Variants in COL14A1 observed in about 807,000 individuals in gnomAD.
The protein encoded by COL14A1 is collagen alpha-1(XIV) chain.
In COL14A1, 136 loss-of-function variants were observed where a neutral mutation model predicts 230.3. The observed-to-expected ratio is 0.59, with a 90% CI of 0.51 to 0.68. COL14A1 has a LOEUF of 0.68. Ranked by LOEUF, COL14A1 falls within the 30% of genes least tolerant of loss-of-function variation. The pLI, the probability that COL14A1 is intolerant of heterozygous loss-of-function variation, is 0.00. For synonymous variants in COL14A1, 792 were observed against 784.1 expected (o/e 1.01, Z -0.17); for missense variants, 1,976 against 2,215.8 (o/e 0.89, Z 2.17).
At chr8:120,209,563 G>T (rs1817557209) in intron 11 of COL14A1, among the ~76,000 whole-genome samples, 193 bp from the exon 12 acceptor site, 3 of 152,008 alleles carry the variant, frequency 2.0e-5, no homozygotes, top group Non-Finnish European at 4.4e-5. Context: ...ATTAGGGAGG[G>T]TCTAGAACCA....
chr8:120,224,023 C>T (rs112754756), intron 14 of COL14A1, among the ~76,000 whole-genome samples: 846 of 78,340 alleles, frequency 0.011, 24 homozygotes, highest in African/African-American at 0.041. Context: ...CCCTCATCTC[C>T]TTTTTTTTTT....
At chr8:120,176,245 T>C (rs755175787) in intron 5 of COL14A1, among the ~76,000 whole-genome samples, 3 of 152,144 alleles carry the variant, frequency 2.0e-5, no homozygotes, top group Non-Finnish European at 2.9e-5. Flanking sequence ...AAGCACTGAA[T>C]TAGTTTCTGG....
chr8:120,365,285 C>A (rs566909347), intron 45 of COL14A1, among the ~76,000 whole-genome samples: 1 of 152,112 alleles, frequency 6.6e-6, no homozygotes, highest in African/African-American at 2.4e-5. Flanking sequence ...TAGGAGCCAT[C>A]CTGTTAAAGA....
intron 1 of COL14A1, among the ~76,000 whole-genome samples, chr8:120,126,730 T>C (rs903978328): frequency 6.6e-6 from 1 of 152,314 alleles, no homozygotes; most frequent in South Asian, 2.1e-4. Flanking sequence ...GAAGGACCGG[T>C]GTTCTGTTTC....
intron 40 of COL14A1, among the ~76,000 whole-genome samples, chr8:120,319,718 G>C (rs951673272): frequency 2.0e-5 from 3 of 152,212 alleles, no homozygotes; most frequent in Admixed American, 6.5e-5. Context: ...TTGACTCTTA[G>C]AGGTAGCTTT....
chr8:120,163,564 G>A (rs1423407561), intron 4 of COL14A1, among the ~76,000 whole-genome samples: 2 of 152,086 alleles, frequency 1.3e-5, no homozygotes, highest in Non-Finnish European at 2.9e-5. Flanking sequence ...AGGAGTTCGA[G>A]ACCAGCCTGA....
chr8:120,195,940 G>A (rs537589972), intron 5 of COL14A1, among the ~76,000 whole-genome samples: 42 of 152,214 alleles, frequency 2.8e-4, no homozygotes, highest in Non-Finnish European at 5.7e-4. Context: ...GAAATGGTGA[G>A]TTTCCCCTAA....
At position 120,279,999 on chromosome 8, in the gene COL14A1, T is replaced by C; in HGVS notation, c.3546T>C (p.Ser1182=). The C allele has an allele frequency of 6.2e-7, 1 of 1,613,890 alleles. No homozygotes were observed. The highest frequency in any genetic ancestry group is 8.5e-7 in the Non-Finnish European group (1 of 1,179,858). ...ACTCGGAGTTGGTTAGCATTGGCAG[T>C]AAGCCCAGCGCACGCCATGTCTTCT... ...ADYSELVSIG[S]KPSARHVFFV... Residue 1182 remains serine, a synonymous_variant, in exon 29 of 48, where the codon AGT becomes AGC. Transcript: ENST00000297848.
At chr8:120,214,530 A>G (rs2130772025) in intron 13 of COL14A1, among the ~76,000 whole-genome samples, 1 of 152,310 alleles carries the variant, frequency 6.6e-6, no homozygotes, top group Middle Eastern at 3.4e-3. Flanking sequence ...ACAGTTAGGA[A>G]TCTGCAGAAA....
chr8:120,209,285 T>G (rs950740250), intron 11 of COL14A1, among the ~76,000 whole-genome samples: 4 of 152,080 alleles, frequency 2.6e-5, no homozygotes, highest in Non-Finnish European at 5.9e-5. Flanking sequence ...GAGGATTGCT[T>G]GAGCCCGGGA....
chr8:120,149,755 C>A (rs115319150), intron 2 of COL14A1, among the ~76,000 whole-genome samples: 2 of 148,222 alleles, frequency 1.3e-5, no homozygotes, highest in Admixed American at 6.8e-5. Context: ...TGGCAAATGG[C>A]GCAGTCTCGG....
chr8:120,134,918 C>T lies in COL14A1; in HGVS notation c.-38+9578C>T, dbSNP rs138909987. Among the ~76,000 whole-genome samples, 1,008 of 152,132 alleles carry T rather than the reference C, an allele frequency of 6.6e-3. 14 individuals are homozygous for T. The highest frequency in any genetic ancestry group is 0.021 in the African/African-American group (889 of 41,532). On this transcript the variant is annotated intron_variant, in intron 1 of 47. Transcript: ENST00000297848. ...TGAACCTGGGAGGTGGAAATTGCAG[C>T]GAGCCAAGATTGCACCACTGCACTC...
chr8:120,280,083 C>T lies in COL14A1; in HGVS notation c.3630C>T (p.Cys1210=), dbSNP rs146109463. 5,743 of 1,613,592 alleles carry T rather than the reference C, an allele frequency of 3.6e-3. 22 individuals are homozygous for T. Among genetic ancestry groups the T allele is most frequent in the Non-Finnish European group, 3.6e-3 (4,227 of 1,179,704 alleles). Reference sequence around the variant, plus strand: ...AAGATGAGTTAATTACTTTTGTCTGCGAAACAGCATCAGCAAGTTAGTTCT... The same window carrying T: ...AAGATGAGTTAATTACTTTTGTCTGTGAAACAGCATCAGCAAGTTAGTTCT... ...KIEDELITFV[C]ETASATCPVV... is the part of the protein sequence containing the mutation. Residue 1210 remains cysteine, a synonymous_variant, in exon 29 of 48, where the codon TGC becomes TGT. Transcript: ENST00000297848.
At chr8:120,156,360 G>T (rs1815480188) in intron 2 of COL14A1, among the ~76,000 whole-genome samples, 2 of 152,160 alleles carry the variant, frequency 1.3e-5, no homozygotes, top group African/African-American at 4.8e-5. Flanking sequence ...GTAGAGATGG[G>T]GTTTCACCGT....
Position 120,360,396 on chromosome 8 carries a change from C to G in COL14A1, c.5078-6775C>G, listed in dbSNP as rs547051762. The stretch of plus-strand genomic sequence containing the variant: ...AGTCTGGCACACAAAGCTTGTCATG[C>G]CCTGGCCTAGACTAGCCTTATATTC... On this transcript the variant is annotated intron_variant, in intron 45 of 47. Coordinates refer to ENST00000297848, the MANE Select transcript of COL14A1 (RefSeq NM_021110.4). Among the ~76,000 whole-genome samples the G allele has an allele frequency of 3.3e-5, 5 of 152,164 alleles. 1 individual carries two copies. Among genetic ancestry groups the G allele is most frequent in the Admixed American group, 3.3e-4 (5 of 15,280 alleles).
At chr8:120,345,316 G>T in intron 44 of COL14A1, 59 bp from the exon 45 acceptor site, 2 of 1,467,128 alleles carry the variant, frequency 1.4e-6, no homozygotes, top group South Asian at 1.3e-5. Flanking sequence ...GACACCCCTG[G>T]TCCTCTCTTT....
intron 4 of COL14A1, among the ~76,000 whole-genome samples, chr8:120,163,615 T>C (rs1815766405): frequency 6.6e-6 from 1 of 151,862 alleles, no homozygotes; most frequent in Admixed American, 6.6e-5. Flanking sequence ...AATACAAAAT[T>C]AGCCGGGCGT....
chr8:120,253,041 C>T (rs1819026180), intron 22 of COL14A1, among the ~76,000 whole-genome samples: 1 of 152,202 alleles, frequency 6.6e-6, no homozygotes, highest in South Asian at 2.1e-4. Flanking sequence ...TGATGTGACA[C>T]TGTTGTGGCT....
intron 10 of COL14A1, 74 bp from the exon 11 acceptor site, chr8:120,208,158 A>AT (rs1817501385): frequency 2.1e-6 from 3 of 1,439,298 alleles, no homozygotes; most frequent in Middle Eastern, 1.9e-4. Context: ...TGCTGGACGT[A>AT]TTTTCGCTTT....
Sources: gnomAD v4.1 joint callset for allele counts (sites outside exome capture counted in the v4.1 genomes callset) on GRCh38, gnomAD v4.1.1 for gene constraint, MANE v1.5 for transcripts, NCBI Gene and HGNC (gene_info 2026-07-23, HGNC 2026-07-21) for gene names.